The following MCTP1 variants were observed in gnomAD, a reference collection of about 807,000 sequenced individuals.
The protein encoded by MCTP1 is multiple C2 and transmembrane domain containing 1.
Under a neutral mutation model 120.6 loss-of-function variants are expected in MCTP1, and 69 were observed. The observed-to-expected ratio is 0.57, with a 90% CI of 0.47 to 0.70. The LOEUF is 0.70. Ranked by LOEUF, MCTP1 falls within the 30% of genes least tolerant of loss-of-function variation. The pLI is 0.00. For missense variants in MCTP1, 1,203 were observed against 1,248.8 expected (o/e 0.96, Z 0.55); for synonymous variants, 529 against 493.1 (o/e 1.07, Z -0.96).
chr5:95,061,550 C>T (rs1346269737), intron 1 of MCTP1, among the ~76,000 whole-genome samples: 1 of 147,478 alleles, frequency 6.8e-6, no homozygotes, highest in Non-Finnish European at 1.5e-5. Context: ...ATTCTCCTGC[C>T]TCAGCCTCCA....
chr5:95,142,946 A>G (rs1483774682), intron 1 of MCTP1, among the ~76,000 whole-genome samples: 2 of 152,250 alleles, frequency 1.3e-5, no homozygotes, highest in Non-Finnish European at 2.9e-5. Context: ...ATGCAAGACA[A>G]TTATAAACTA....
chr5:95,087,789 G>A (rs746958492), intron 1 of MCTP1, among the ~76,000 whole-genome samples: 3 of 152,086 alleles, frequency 2.0e-5, no homozygotes, highest in Non-Finnish European at 2.9e-5. Flanking sequence ...ATACCCATGG[G>A]TCTGAGAACA....
chr5:94,851,143 C>T lies in MCTP1; in HGVS notation c.2436+17190G>A, dbSNP rs142009956. Among the ~76,000 whole-genome samples the T allele has an allele frequency of 8.0e-3, 1,215 of 152,146 alleles. 24 individuals are homozygous for T. Among genetic ancestry groups the T allele is most frequent in the African/African-American group, 0.028 (1,173 of 41,524 alleles). On this transcript the variant is annotated intron_variant, in intron 17 of 22. Coordinates refer to ENST00000515393, the MANE Select transcript of MCTP1 (RefSeq NM_024717.7). ...GAATTCTCACTAATCTATAAAACAG[C>T]CCACATTTTATGAAATATGCTGAGT...
rs529431535 is a variant in MCTP1, at chr5:95,025,418, T to C, written c.721-7934A>G. On this transcript the variant is annotated intron_variant, in intron 1 of 22. Coordinates refer to ENST00000515393, the MANE Select transcript of MCTP1 (RefSeq NM_024717.7). ...GAAAATTCAGAGTTCTAGGCACAGT[T>C]TGAAAATTAAGAAGTTTCTATGGTA... 3.9e-5 allele frequency among the ~76,000 whole-genome samples: 6 copies of C among 152,318 alleles called. No individual in the cohort carries two copies. The South Asian group carries it at 1.2e-3, about 32-fold the overall frequency.
chr5:95,022,854 T>C (rs1299768927), intron 1 of MCTP1, among the ~76,000 whole-genome samples: 3 of 152,162 alleles, frequency 2.0e-5, no homozygotes, highest in Non-Finnish European at 2.9e-5. Flanking sequence ...CTGACTGTAA[T>C]ATACTGAAGG....
rs1809134729 is a variant in MCTP1 at position 94,912,976 on chromosome 5, AC to A, written c.1351-1del. 6.3e-7 allele frequency: 1 copy of A among 1,584,224 alleles called. No individual in the cohort carries two copies. The highest frequency in any genetic ancestry group is 1.4e-5 in the African/African-American group (1 of 72,894). The stretch of plus-strand genomic sequence containing the variant: ...GATAGGCGTAAACTTTGGGTCTGAA[AC>A]TTTTGGCAAATGAAAATTGAGTTAG... On this transcript the variant is annotated splice_acceptor_variant, in intron 8 of 22. Transcript: ENST00000515393. LOFTEE classifies it high-confidence loss of function.
At chr5:95,119,587 G>A (rs533384075) in intron 1 of MCTP1, among the ~76,000 whole-genome samples, 51 of 152,160 alleles carry the variant, frequency 3.4e-4, no homozygotes, top group African/African-American at 1.2e-3. Flanking sequence ...AAAGCACAAA[G>A]TTGGTTTTTT....
intron 1 of MCTP1, among the ~76,000 whole-genome samples, chr5:95,151,242 C>T (rs892046788): frequency 2.0e-5 from 3 of 150,892 alleles, no homozygotes; most frequent in East Asian, 1.9e-4. Flanking sequence ...CTTTGGCCTT[C>T]GAAAGTGCTA....
chr5:95,066,299 G>C (rs1047779670), intron 1 of MCTP1, among the ~76,000 whole-genome samples: 1 of 152,080 alleles, frequency 6.6e-6, no homozygotes, highest in Non-Finnish European at 1.5e-5. Flanking sequence ...ATTACAATAA[G>C]ATCATCTCAC....
intron 12 of MCTP1, among the ~76,000 whole-genome samples, chr5:94,878,108 T>C (rs1799301053): frequency 6.6e-6 from 1 of 152,186 alleles, no homozygotes; most frequent in Non-Finnish European, 1.5e-5. Context: ...GAAATAACTA[T>C]ATTTTAATCC....
chr5:94,984,186 T>A (rs1010645238), intron 2 of MCTP1, among the ~76,000 whole-genome samples: 1 of 152,200 alleles, frequency 6.6e-6, no homozygotes, highest in Admixed American at 6.5e-5. Flanking sequence ...TACTCTCCCA[T>A]CTGTCTCCCA....
intron 1 of MCTP1, among the ~76,000 whole-genome samples, chr5:95,250,556 A>AT (rs1285050584): frequency 1.3e-5 from 2 of 152,186 alleles, no homozygotes; most frequent in East Asian, 3.8e-4. Context: ...TCAGGCTGAT[A>AT]TAAGTTTGAA....
intron 1 of MCTP1, among the ~76,000 whole-genome samples, chr5:95,060,623 T>C (rs995587839): frequency 6.6e-6 from 1 of 152,220 alleles, no homozygotes; most frequent in Non-Finnish European, 1.5e-5. Context: ...TATGAGTCTA[T>C]CTAAATTGAC....
At chr5:94,932,987 A>C (rs1258090016) in intron 5 of MCTP1, among the ~76,000 whole-genome samples, 2 of 152,004 alleles carry the variant, frequency 1.3e-5, no homozygotes. Flanking sequence ...GGCAACCTTT[A>C]ACCTAAACCA....
intron 1 of MCTP1, among the ~76,000 whole-genome samples, chr5:95,049,007 G>T (rs1265586031): frequency 6.6e-6 from 1 of 152,090 alleles, no homozygotes; most frequent in Non-Finnish European, 1.5e-5. Context: ...AGAGATATTG[G>T]ATACTAAAAG....
At chr5:94,925,529 C>T (rs1321057796) in intron 6 of MCTP1, among the ~76,000 whole-genome samples, 2 of 152,136 alleles carry the variant, frequency 1.3e-5, no homozygotes, top group Non-Finnish European at 2.9e-5. Flanking sequence ...CTGCCTCAGC[C>T]TCCCAAGTAG....
Position 94,940,125 on chromosome 5 carries a change from A to G in MCTP1, c.1132T>C (p.Ser378Pro). 6.2e-7 allele frequency: 1 copy of G among 1,610,096 alleles called. No homozygotes were observed. Among genetic ancestry groups the G allele is most frequent in the Non-Finnish European group, 8.5e-7 (1 of 1,177,282 alleles). The part of the protein sequence containing the change: ...PDHDLGIILL[S>P]VILTPKEGES... ...CCTTCTTTAGGGGTAAGGATGACTGAGAGCAAAATGATTCCAAGATCATGG... is the reference window on the plus strand; with the variant it reads ...CCTTCTTTAGGGGTAAGGATGACTGGGAGCAAAATGATTCCAAGATCATGG... The change falls in exon 5 of 23, where the codon TCA (serine) becomes CCA (proline). Residue 378 changes from serine (S) to proline (P), a missense_variant. By Grantham distance (74) the Ser-to-Pro change is moderately conservative. This residue lies in a region of MCTP1 where 740 missense variants were observed against 871.1 expected (regional missense o/e 0.85). Transcript: ENST00000515393.
chr5:95,108,817 G>T (rs1388792927), intron 1 of MCTP1, among the ~76,000 whole-genome samples: 2 of 152,110 alleles, frequency 1.3e-5, no homozygotes, highest in African/African-American at 4.8e-5. Flanking sequence ...AAATCCAAAA[G>T]AATCCACACA....
chr5:94,909,415 G>T (rs144340920), intron 9 of MCTP1, 34 bp from the exon 10 acceptor site: 1 of 1,556,508 alleles, frequency 6.4e-7, no homozygotes, highest in Non-Finnish European at 8.6e-7. Flanking sequence ...CATATTGCTA[G>T]CAGCTTTTTA....
Sources: allele counts gnomAD v4.1 joint callset (sites outside exome capture counted in the v4.1 genomes callset), GRCh38; gene constraint gnomAD v4.1.1; regional missense constraint gnomAD v4.1.1; transcripts MANE v1.5; gene names NCBI Gene and HGNC (gene_info 2026-07-23, HGNC 2026-07-21).